Variants in LRIG1 observed in about 807,000 individuals in gnomAD.
LRIG1 encodes leucine-rich repeats and immunoglobulin-like domains protein 1.
In LRIG1, 48 loss-of-function variants were observed where a neutral mutation model predicts 99.2. The ratio of observed to expected loss-of-function variants is 0.48; its 90% confidence interval spans 0.38 to 0.62. The LOEUF is 0.62. Among genes scored for constraint, LRIG1 ranks in the 20% least tolerant of loss-of-function variants. The pLI is 0.00. For synonymous variants in LRIG1, 772 were observed against 596.1 expected (o/e 1.29, Z -4.30); for missense variants, 1,646 against 1,434.4 (o/e 1.15, Z -2.38).
At chr3:66,388,181 T>C (rs1027931421) in intron 12 of LRIG1, 3 of 142,578 alleles carry the variant, frequency 2.1e-5, no homozygotes, top group African/African-American at 7.9e-5. Flanking sequence ...ATTATAGATA[T>C]GAACCAAGTA....
Position 66,468,646 on chromosome 3 carries a change from G to A in LRIG1, c.219-6137C>T, listed in dbSNP as rs189381912. On this transcript the variant is annotated intron_variant, in intron 1 of 18. Coordinates refer to ENST00000273261, the MANE Select transcript of LRIG1 (RefSeq NM_015541.3). ...GGCACCCAGCTCTGGCCTGGGAGCCGTGGGCTCTGGCGATTCATCTCTTTC... is the reference window on the plus strand; with the variant it reads ...GGCACCCAGCTCTGGCCTGGGAGCCATGGGCTCTGGCGATTCATCTCTTTC... Among the ~76,000 whole-genome samples, 27 of 152,312 alleles carry A rather than the reference G, an allele frequency of 1.8e-4. No individual in the cohort carries two copies. In the East Asian group the frequency reaches 2.1e-3, roughly 12 times the overall value.
rs575325641 is a variant in LRIG1 at position 66,420,809 on chromosome 3, T to C, written c.366-3543A>G. Reference sequence around the variant, plus strand: ...GAGACCGCAGAAGGAAGATCTGTTGTTTAACGGTGTATTAGTCCATTTTCA... The same window carrying C: ...GAGACCGCAGAAGGAAGATCTGTTGCTTAACGGTGTATTAGTCCATTTTCA... On this transcript the variant is annotated intron_variant, in intron 3 of 18. Coordinates refer to ENST00000273261, the MANE Select transcript of LRIG1 (RefSeq NM_015541.3). Among the ~76,000 whole-genome samples, 5 of 152,304 alleles carry C rather than the reference T, an allele frequency of 3.3e-5. No individual in the cohort carries two copies. In the East Asian group the frequency reaches 9.6e-4, roughly 29 times the overall value.
chr3:66,381,709 G>A (rs1227362785), intron 16 of LRIG1, 78 bp from the exon 17 acceptor site: 3 of 1,506,804 alleles, frequency 2.0e-6, no homozygotes, highest in South Asian at 2.4e-5. Flanking sequence ...AATGAGCAAG[G>A]CCGCTAGAAC....
chr3:66,486,528 G>A (rs1273285537), intron 1 of LRIG1, among the ~76,000 whole-genome samples: 1 of 152,196 alleles, frequency 6.6e-6, no homozygotes, highest in Non-Finnish European at 1.5e-5. Flanking sequence ...TCACTGGTTA[G>A]CAAGGCACCT....
In LRIG1 at chr3:66,386,306, G is replaced by A. The variant is rs368907818; in HGVS notation, c.1469-5C>T. Reference sequence around the variant, plus strand: ...TCTGTGGCTTCAGGAAGTCATCTGGGGAGAGAAGGGTCAACTGTAAAGCGC... The same window carrying A: ...TCTGTGGCTTCAGGAAGTCATCTGGAGAGAGAAGGGTCAACTGTAAAGCGC... On this transcript the variant is annotated splice_polypyrimidine_tract_variant and splice_region_variant and intron_variant, in intron 12 of 18. Transcript: ENST00000273261. 1.9e-5 allele frequency: 31 copies of A among 1,612,480 alleles called. No homozygotes were observed. In the African/African-American group the frequency reaches 3.7e-4, roughly 19 times the overall value.
intron 7 of LRIG1, 49 bp downstream of exon 7, chr3:66,410,080 C>T (rs757552690): frequency 6.4e-6 from 10 of 1,562,490 alleles, no homozygotes; most frequent in African/African-American, 5.4e-5. Flanking sequence ...CTTTCACCTC[C>T]AAGCAGTGTC....
chr3:66,420,514 A>G (rs889041287), intron 3 of LRIG1, among the ~76,000 whole-genome samples: 23 of 152,250 alleles, frequency 1.5e-4, no homozygotes, highest in African/African-American at 5.3e-4. Context: ...GTATCCTCAC[A>G]TTCATAGAAG....
intron 12 of LRIG1, among the ~76,000 whole-genome samples, chr3:66,388,664 C>A (rs571336832): frequency 6.6e-6 from 1 of 151,896 alleles, no homozygotes; most frequent in Non-Finnish European, 1.5e-5. Context: ...TGATTTCTTA[C>A]CAGAACCCAC....
intron 12 of LRIG1, chr3:66,387,683 A>C (rs943205609): frequency 3.3e-5 from 5 of 152,156 alleles, no homozygotes; most frequent in African/African-American, 7.2e-5. Context: ...ACAGGAAAAA[A>C]AGCAGTCAAC....
chr3:66,389,942 A>G (rs1209487487), intron 12 of LRIG1, among the ~76,000 whole-genome samples: 15 of 152,308 alleles, frequency 9.8e-5, no homozygotes, highest in Admixed American at 9.8e-4. Flanking sequence ...GGACATATCA[A>G]TGCAGTCTTT....
At chr3:66,497,584 AC>A (rs1268391842) in intron 1 of LRIG1, among the ~76,000 whole-genome samples, 1 of 151,702 alleles carries the variant, frequency 6.6e-6, no homozygotes, top group African/African-American at 2.4e-5. Flanking sequence ...CCAAAAATGA[AC>A]CGATTATCAT....
intron 3 of LRIG1, among the ~76,000 whole-genome samples, chr3:66,441,201 C>A (rs1220708957): frequency 6.6e-6 from 1 of 152,138 alleles, no homozygotes; most frequent in African/African-American, 2.4e-5. Flanking sequence ...CACATTTCAC[C>A]TCCTGGTTGA....
intron 3 of LRIG1, among the ~76,000 whole-genome samples, chr3:66,441,327 C>T (rs1445294951): frequency 6.6e-6 from 1 of 152,154 alleles, no homozygotes; most frequent in Non-Finnish European, 1.5e-5. Flanking sequence ...GTGATGTCTT[C>T]GGGGGCAGAT....
chr3:66,411,174 C>T (rs911723858), intron 6 of LRIG1, among the ~76,000 whole-genome samples: 1 of 152,198 alleles, frequency 6.6e-6, no homozygotes, highest in African/African-American at 2.4e-5. Flanking sequence ...ACAGCATGTG[C>T]CAGGAAGGAC....
rs186197851 is a variant in LRIG1 at position 66,412,071 on chromosome 3, C to G, written c.791+800G>C. 2.8e-4 allele frequency among the ~76,000 whole-genome samples: 42 copies of G among 152,314 alleles called. 1 individual carries two copies. Among genetic ancestry groups the G allele is most frequent in the Non-Finnish European group, 4.4e-4 (30 of 68,024 alleles). The stretch of plus-strand genomic sequence containing the variant: ...AAAAAGGCTTTCAACGTTTAAAAAG[C>G]CTTTTCTGTATGCTGCCCTGCTGTT... On this transcript the variant is annotated intron_variant, in intron 6 of 18. Coordinates refer to ENST00000273261, the MANE Select transcript of LRIG1 (RefSeq NM_015541.3).
chr3:66,384,304 C>G, intron 13 of LRIG1, 32 bp from the exon 14 acceptor site: 1 of 1,589,252 alleles, frequency 6.3e-7, no homozygotes, highest in Non-Finnish European at 8.6e-7. Context: ...GGTCGGGTTA[C>G]GGGACAGCTA....
intron 13 of LRIG1, 43 bp from the exon 14 acceptor site, chr3:66,384,315 G>T: frequency 6.3e-7 from 1 of 1,577,592 alleles, no homozygotes; most frequent in Non-Finnish European, 8.6e-7. Flanking sequence ...GGGACAGCTA[G>T]ATGCAAAACC....
intron 1 of LRIG1, among the ~76,000 whole-genome samples, chr3:66,487,033 C>T (rs187954345): frequency 6.6e-6 from 1 of 152,268 alleles, no homozygotes; most frequent in African/African-American, 2.4e-5. Context: ...TTTCCAAATT[C>T]TTCTAACAAT....
At chr3:66,403,275 A>G (rs1207300553) in intron 9 of LRIG1, among the ~76,000 whole-genome samples, 2 of 152,206 alleles carry the variant, frequency 1.3e-5, no homozygotes, top group African/African-American at 2.4e-5. Context: ...TTCTTTTGCC[A>G]CATAACCATG....
Sources: gnomAD v4.1 joint callset for allele counts (sites outside exome capture counted in the v4.1 genomes callset) on GRCh38, gnomAD v4.1.1 for gene constraint, MANE v1.5 for transcripts, NCBI Gene and HGNC (gene_info 2026-07-23, HGNC 2026-07-21) for gene names.